Variants in LANCL1 observed in about 807,000 individuals in gnomAD.
The protein encoded by LANCL1 is glutathione S-transferase LANCL1.
Under a neutral mutation model 50.6 loss-of-function variants are expected in LANCL1, and 50 were observed. The ratio of observed to expected loss-of-function variants is 0.99; its 90% CI spans 0.79 to 1.25. The LOEUF (loss-of-function observed/expected upper bound fraction) is 1.25. LANCL1 is among the 50% of genes most tolerant of loss of function. The probability of loss-of-function intolerance (pLI) is 0.00; values close to 1 mark genes in which losing one functional copy is unlikely to be tolerated. For missense variants in LANCL1, 532 were observed against 480.7 expected (o/e 1.11, Z -1.00); for synonymous variants, 188 against 178.6 (o/e 1.05, Z -0.42).
At chr2:210,470,753 A>T (rs1694200927) in intron 3 of LANCL1, among the ~76,000 whole-genome samples, 1 of 152,230 alleles carries the variant, frequency 6.6e-6, no homozygotes, top group Non-Finnish European at 1.5e-5. Context: ...CAGTCTGTAG[A>T]TCACCATCTG....
intron 4 of LANCL1, among the ~76,000 whole-genome samples, chr2:210,446,995 A>G (rs536587706): frequency 2.6e-4 from 40 of 152,100 alleles, no homozygotes. Flanking sequence ...TTCAGGAAAC[A>G]GAAAGCACCA....
chr2:210,440,759 C>A lies in LANCL1; in HGVS notation c.544-15G>T. ...GTTTCACAAATCTACAGGGAGAAAA[C>A]CAACCAAAATAACAAGTTAACTGAA... On this transcript the variant is annotated splice_polypyrimidine_tract_variant and intron_variant, in intron 5 of 9. Transcript: ENST00000450366. 2 of 1,604,996 alleles carry A rather than the reference C, an allele frequency of 1.2e-6. No individual in the cohort carries two copies. Among genetic ancestry groups the A allele is most frequent in the Non-Finnish European group, 1.7e-6 (2 of 1,176,826 alleles).
At chr2:210,442,838 A>T (rs538566160) in intron 4 of LANCL1, 1 of 152,240 alleles carries the variant, frequency 6.6e-6, no homozygotes, top group South Asian at 2.1e-4. Flanking sequence ...AACTCCTAAT[A>T]TCAGAGAGAA....
intron 9 of LANCL1, among the ~76,000 whole-genome samples, 168 bp from the exon 10 acceptor site, chr2:210,434,731 G>A (rs531155090): frequency 6.6e-6 from 1 of 152,060 alleles, no homozygotes; most frequent in Non-Finnish European, 1.5e-5. Flanking sequence ...TCGTCCCTAA[G>A]GTCTGGATCA....
At chr2:210,456,237 T>G (rs1201069224) in intron 3 of LANCL1, among the ~76,000 whole-genome samples, 1 of 152,216 alleles carries the variant, frequency 6.6e-6, no homozygotes, top group Non-Finnish European at 1.5e-5. Flanking sequence ...ATTTGCGATT[T>G]TTAGAAGACA....
At chr2:210,455,824 T>G (rs1008957924) in intron 3 of LANCL1, among the ~76,000 whole-genome samples, 3 of 151,492 alleles carry the variant, frequency 2.0e-5, no homozygotes, top group African/African-American at 7.3e-5. Context: ...TTTTTTTTTT[T>G]TTTGTGAAAA....
chr2:210,454,219 TAC>T (rs3836055), intron 4 of LANCL1, among the ~76,000 whole-genome samples: 13,885 of 147,354 alleles, frequency 0.094, 659 homozygotes, highest in Middle Eastern at 0.11. Context: ...TATGCATACA[TAC>T]ACACACACAC....
At chr2:210,445,568 C>T (rs1293339307) in intron 4 of LANCL1, among the ~76,000 whole-genome samples, 1 of 151,728 alleles carries the variant, frequency 6.6e-6, no homozygotes, top group Non-Finnish European at 1.5e-5. Context: ...GTTGTACATG[C>T]TATATTCTCA....
At position 210,436,238 on chromosome 2, in the gene LANCL1, T is replaced by A. The variant is rs761805442; in HGVS notation, c.1028A>T (p.Lys343Met). Residue 343 changes from lysine (K) to methionine (M), a missense_variant, in exon 8 of 10, where the codon AAG becomes ATG. By Grantham distance (95) the Lys-to-Met change is moderately conservative (BLOSUM62 -1). Transcript: ENST00000450366. ...TACCTTACAGGCCCTATACAGGTAC[T>A]TCATGTCCTGTGTGAGGTTGTAGAG... is the stretch of plus-strand genomic sequence containing the variant. ...LTLYNLTQDM[K>M]YLYRACKFAE... 1 of 1,613,952 alleles carries A rather than the reference T, an allele frequency of 6.2e-7. No homozygotes were observed. Among genetic ancestry groups the A allele is most frequent in the South Asian group, 1.1e-5 (1 of 91,070 alleles).
At chr2:210,441,159 G>A in intron 5 of LANCL1, 149 bp downstream of exon 5, 1 of 735,220 alleles carries the variant, frequency 1.4e-6, no homozygotes, top group South Asian at 2.4e-5. Flanking sequence ...GAAAGCTATT[G>A]GTTCTTGGAC....
chr2:210,452,778 T>C (rs1341305574), intron 4 of LANCL1, among the ~76,000 whole-genome samples: 2 of 152,098 alleles, frequency 1.3e-5, no homozygotes, highest in Non-Finnish European at 2.9e-5. Flanking sequence ...ATTATGCTTT[T>C]GAAAGAACAT....
chr2:210,438,715 G>C lies in LANCL1; in HGVS notation c.691-843C>G, dbSNP rs2105887633. 1.3e-5 allele frequency among the ~76,000 whole-genome samples: 2 copies of C among 152,248 alleles called. 1 individual carries two copies. The highest frequency in any genetic ancestry group is 4.2e-4 in the South Asian group (2 of 4,816). On this transcript the variant is annotated intron_variant, in intron 6 of 9. Transcript: ENST00000450366. The stretch of plus-strand genomic sequence containing the variant: ...AAACTACAGCATGCCTCTAGATCAA[G>C]TCTTTTTGCAGAGGATTTAGGACTG...
chr2:210,465,341 A>G (rs1459732881), intron 3 of LANCL1, among the ~76,000 whole-genome samples: 1 of 152,254 alleles, frequency 6.6e-6, no homozygotes, highest in African/African-American at 2.4e-5. Context: ...AGTGATGCTG[A>G]AAGTGCTTCC....
At chr2:210,446,037 A>G (rs747126058) in intron 4 of LANCL1, among the ~76,000 whole-genome samples, 4 of 152,190 alleles carry the variant, frequency 2.6e-5, no homozygotes, top group African/African-American at 4.8e-5. Flanking sequence ...GCACAACTTC[A>G]GCAGACTTAA....
intron 2 of LANCL1, among the ~76,000 whole-genome samples, chr2:210,472,957 C>A (rs1694265515): frequency 6.6e-6 from 1 of 152,152 alleles, no homozygotes; most frequent in Non-Finnish European, 1.5e-5. Context: ...GGGGTTAGTA[C>A]CACCCATATG....
In LANCL1 at chr2:210,472,067, C is replaced by G. The variant is rs765405809; in HGVS notation, c.91G>C (p.Glu31Gln). 1.9e-6 allele frequency: 3 copies of G among 1,611,192 alleles called. No individual in the cohort carries two copies. The Admixed American group carries it at 5.0e-5, about 27-fold the overall frequency. ...YFDAAGRLTP[E>Q]FSQRLTNKIR... is the part of the protein sequence containing the mutation. ...TTATTGGTCAAGCGTTGTGAGAACT[C>G]AGGAGTCAGCTAGATATTAAAGGAA... Residue 31 changes from glutamate to glutamine, a missense_variant, in exon 3 of 10, where the codon GAG (glutamate) becomes CAG (glutamine). Transcript: ENST00000450366.
chr2:210,453,185 G>A (rs769311409), intron 4 of LANCL1, among the ~76,000 whole-genome samples: 18 of 152,002 alleles, frequency 1.2e-4, no homozygotes, highest in African/African-American at 3.9e-4. Context: ...AAATACTGTC[G>A]AAATGTCAAA....
At chr2:210,450,440 A>G (rs1343878265) in intron 4 of LANCL1, among the ~76,000 whole-genome samples, 1 of 152,196 alleles carries the variant, frequency 6.6e-6, no homozygotes, top group Non-Finnish European at 1.5e-5. Flanking sequence ...ATGTGTAAAG[A>G]CTTCATGACT....
rs1270705775 is a variant in LANCL1 at position 210,432,304 on chromosome 2, A to C, written c.*2183T>G. 6.6e-6 allele frequency: 1 copy of C among 152,188 alleles called. No homozygotes were observed. Among genetic ancestry groups the C allele is most frequent in the Non-Finnish European group, 1.5e-5 (1 of 68,022 alleles). The allele number at this position is 152,188 out of a possible 1,614,324, so 9.4% of individuals were successfully genotyped here. A position where few individuals can be genotyped will look rare whatever the true frequency, so the allele number is the denominator to read the frequency against. ...GTAAGTTTTGAAAAGCTTAAAAAAA[A>C]ACCAAACTCTAATTGTGTTTGTGTG... On this transcript the variant is annotated 3_prime_UTR_variant, in exon 10 of 10. Coordinates refer to ENST00000450366, the MANE Select transcript of LANCL1 (RefSeq NM_006055.3).
Sources: gnomAD v4.1 joint callset for allele counts (sites outside exome capture counted in the v4.1 genomes callset) on GRCh38, gnomAD v4.1.1 for gene constraint, MANE v1.5 for transcripts, NCBI Gene and HGNC (gene_info 2026-07-23, HGNC 2026-07-21) for gene names.